Variants in LUZP2 observed in about 807,000 individuals in gnomAD.
The protein encoded by LUZP2 is leucine zipper protein 2.
LUZP2 carries 52 observed loss-of-function variants against 51.6 expected under a neutral mutation model. That is an observed-to-expected ratio of 1.01 (90% CI 0.81 to 1.27). The LOEUF (loss-of-function observed/expected upper bound fraction) is 1.27, where lower values mean the gene tolerates loss of function less well. Among genes scored for constraint, LUZP2 ranks in the 50% most tolerant of loss-of-function variants. The pLI is 0.00. For missense variants in LUZP2, 436 were observed against 395.4 expected, an observed-to-expected ratio of 1.10 and a Z score of -0.87; for synonymous variants, 154 against 137.3, an observed-to-expected ratio of 1.12 and a Z score of -0.85.
At chr11:24,887,549 G>A (rs922858929) in intron 5 of LUZP2, among the ~76,000 whole-genome samples, 7 of 152,204 alleles carry the variant, frequency 4.6e-5, no homozygotes, top group South Asian at 2.1e-4. Flanking sequence ...GTGCCTGTAA[G>A]TTATTATCTC....
chr11:25,040,643 G>T (rs1858025582), intron 9 of LUZP2, among the ~76,000 whole-genome samples: 1 of 152,086 alleles, frequency 6.6e-6, no homozygotes, highest in Admixed American at 6.5e-5. Context: ...CTGTCTCATA[G>T]ATTTCAGTTG....
chr11:24,758,536 C>A (rs1031739088), intron 4 of LUZP2, among the ~76,000 whole-genome samples: 2 of 151,950 alleles, frequency 1.3e-5, no homozygotes, highest in African/African-American at 4.8e-5. Flanking sequence ...TAAATTAACA[C>A]ATATTTATAA....
chr11:25,070,321 C>A (rs1242213468), intron 10 of LUZP2, among the ~76,000 whole-genome samples: 1 of 151,870 alleles, frequency 6.6e-6, no homozygotes, highest in Non-Finnish European at 1.5e-5. Context: ...GGTCCACCTT[C>A]AAAAAATGTG....
At chr11:24,830,637 T>C (rs1183985077) in intron 5 of LUZP2, among the ~76,000 whole-genome samples, 1 of 152,208 alleles carries the variant, frequency 6.6e-6, no homozygotes, top group Non-Finnish European at 1.5e-5. Flanking sequence ...GCTACTATTA[T>C]TACCGCAATT....
intron 9 of LUZP2, among the ~76,000 whole-genome samples, chr11:25,004,063 C>A (rs1267456160): frequency 6.6e-6 from 1 of 152,092 alleles, no homozygotes; most frequent in African/African-American, 2.4e-5. Flanking sequence ...AAGTGAATTT[C>A]CTGGCCCTCA....
intron 1 of LUZP2, among the ~76,000 whole-genome samples, chr11:24,574,239 TCTTTCTTTCTTTCTTTCTTTCTTG>T (rs1565000512): frequency 1.1e-3 from 2 of 1,760 alleles, no homozygotes; most frequent in African/African-American, 2.1e-3. Flanking sequence ...TTTCTTTCTT[TCTTTCTTTCTTTCTTTCTTTCTTG>T]CTTTCTTTCT....
intron 1 of LUZP2, among the ~76,000 whole-genome samples, chr11:24,664,628 A>G (rs1856150518): frequency 6.6e-6 from 1 of 152,158 alleles, no homozygotes; most frequent in Admixed American, 6.5e-5. Context: ...GCCTCTGGAC[A>G]TGGTGCCCTG....
chr11:24,602,383 T>TACACACACAC (rs550126763), intron 1 of LUZP2, among the ~76,000 whole-genome samples: 38 of 43,192 alleles, frequency 8.8e-4, no homozygotes, highest in Middle Eastern at 0.013. Context: ...TGTATATATA[T>TACACACACAC]ATATACACAC....
chr11:24,997,782 G>T (rs968046047), intron 9 of LUZP2, among the ~76,000 whole-genome samples: 1 of 152,096 alleles, frequency 6.6e-6, no homozygotes, highest in African/African-American at 2.4e-5. Flanking sequence ...AATCCATCTT[G>T]AATTAATTTT....
intron 7 of LUZP2, among the ~76,000 whole-genome samples, chr11:24,931,691 C>T (rs1265443357): frequency 6.6e-6 from 1 of 152,124 alleles, no homozygotes; most frequent in Admixed American, 6.6e-5. Flanking sequence ...TCTGGTACTT[C>T]CTTGAGTAGC....
intron 7 of LUZP2, among the ~76,000 whole-genome samples, chr11:24,959,092 C>G (rs533773952): frequency 8.3e-4 from 127 of 152,166 alleles, no homozygotes; most frequent in African/African-American, 2.9e-3. Context: ...TCTGAGGGCT[C>G]TGTTCTGTTC....
chr11:24,879,120 A>G (rs1272503804), intron 5 of LUZP2, among the ~76,000 whole-genome samples: 1 of 151,854 alleles, frequency 6.6e-6, no homozygotes, highest in Non-Finnish European at 1.5e-5. Flanking sequence ...AATTTTTTGT[A>G]TTTTTAGTAC....
intron 5 of LUZP2, among the ~76,000 whole-genome samples, chr11:24,845,932 T>A (rs1851185179): frequency 2.0e-5 from 3 of 152,110 alleles, no homozygotes; most frequent in Admixed American, 6.6e-5. Flanking sequence ...AAAATAAAGC[T>A]ACTAACAAAA....
chr11:24,615,836 T>A (rs947182404), intron 1 of LUZP2, among the ~76,000 whole-genome samples: 5 of 150,410 alleles, frequency 3.3e-5, no homozygotes, highest in African/African-American at 1.2e-4. Flanking sequence ...ATATATATAT[T>A]ATATATATAA....
At chr11:24,926,591 G>GTATATATATGTGTGTATATATGTA (rs1232320434) in intron 7 of LUZP2, among the ~76,000 whole-genome samples, 17 of 146,048 alleles carry the variant, frequency 1.2e-4, no homozygotes, top group South Asian at 6.4e-4. Context: ...ATATATGTGT[G>GTATATATATGTGTGTATATATGTA]TATATATATG....
intron 1 of LUZP2, among the ~76,000 whole-genome samples, chr11:24,588,832 C>T (rs959970023): frequency 1.3e-5 from 2 of 151,714 alleles, no homozygotes; most frequent in Admixed American, 6.6e-5. Context: ...AAATAACTTT[C>T]CTAAAATCTC....
At chr11:24,733,692 T>C (rs1351308526) in intron 3 of LUZP2, among the ~76,000 whole-genome samples, 1 of 151,460 alleles carries the variant, frequency 6.6e-6, no homozygotes, top group Non-Finnish European at 1.5e-5. Flanking sequence ...AGGAATAACT[T>C]AGATGAAATT....
chr11:24,853,149 T>C (rs1851446668), intron 5 of LUZP2, among the ~76,000 whole-genome samples: 1 of 152,196 alleles, frequency 6.6e-6, no homozygotes, highest in Non-Finnish European at 1.5e-5. Context: ...CATTAGTTGA[T>C]ACAGTTTCTT....
chr11:24,591,336 C>T (rs1333427764), intron 1 of LUZP2, among the ~76,000 whole-genome samples: 4 of 152,104 alleles, frequency 2.6e-5, no homozygotes, highest in Non-Finnish European at 5.9e-5. Flanking sequence ...CACCCAAGAC[C>T]AAAGCTCAAG....
Sources: allele counts gnomAD v4.1 joint callset (sites outside exome capture counted in the v4.1 genomes callset), GRCh38; gene constraint gnomAD v4.1.1; transcripts MANE v1.5; gene names NCBI Gene and HGNC (gene_info 2026-07-23, HGNC 2026-07-21).